SUCLG2: variants seen among roughly 807,000 people sequenced by gnomAD.
SUCLG2 encodes succinate-CoA ligase GDP-forming subunit beta, also known as succinate--CoA ligase [GDP-forming] subunit beta, mitochondrial.
In SUCLG2, 42 loss-of-function variants were observed where a neutral mutation model predicts 47.9. The ratio of observed to expected loss-of-function variants is 0.88; its 90% CI spans 0.69 to 1.14. The LOEUF (loss-of-function observed/expected upper bound fraction) is 1.14. Ranked by LOEUF, SUCLG2 falls within the 50% of genes most tolerant of loss-of-function variation. The pLI, the probability that SUCLG2 is intolerant of heterozygous loss-of-function variation, is 0.00. For missense variants in SUCLG2, 571 were observed against 525.9 expected, an observed-to-expected ratio of 1.09 and a Z score of -0.84; for synonymous variants, 195 against 197.3, an observed-to-expected ratio of 0.99 and a Z score of 0.10.
chr3:67,620,498 C>T (rs1349313524), intron 1 of SUCLG2, among the ~76,000 whole-genome samples: 2 of 137,290 alleles, frequency 1.5e-5, no homozygotes, highest in Non-Finnish European at 3.0e-5. Flanking sequence ...GACAGGAGAA[C>T]AGCTTGAACG....
intron 9 of SUCLG2, among the ~76,000 whole-genome samples, chr3:67,429,597 C>A (rs1703422128): frequency 6.6e-6 from 1 of 152,120 alleles, no homozygotes; most frequent in African/African-American, 2.4e-5. Flanking sequence ...TCACACATAA[C>A]AATATTAACC....
chr3:67,546,545 G>C (rs1301267475), intron 2 of SUCLG2, among the ~76,000 whole-genome samples: 1 of 152,178 alleles, frequency 6.6e-6, no homozygotes, highest in Non-Finnish European at 1.5e-5. Flanking sequence ...GACCAGCCTG[G>C]CCAACATGGT....
chr3:67,439,827 T>C lies in SUCLG2; in HGVS notation c.1063-38976A>G, dbSNP rs530234931. 1.8e-4 allele frequency among the ~76,000 whole-genome samples: 28 copies of C among 152,304 alleles called. No homozygotes were observed. The South Asian group carries it at 4.8e-3, about 26-fold the overall frequency. On this transcript the variant is annotated intron_variant, in intron 9 of 10. Transcript: ENST00000307227. ...TGCCAAAAGGAATTTACAGATTCAA[T>C]GCTATCCCCATCAAGCTACCACTGA... is the stretch of plus-strand genomic sequence containing the variant.
intron 8 of SUCLG2, among the ~76,000 whole-genome samples, chr3:67,496,710 G>C (rs1705351081): frequency 6.6e-6 from 1 of 151,902 alleles, no homozygotes. Flanking sequence ...AATATCAAAA[G>C]TCTTGTTTTC....
At chr3:67,608,800 C>G (rs1700472221) in intron 2 of SUCLG2, among the ~76,000 whole-genome samples, 1 of 151,934 alleles carries the variant, frequency 6.6e-6, no homozygotes, top group African/African-American at 2.4e-5. Flanking sequence ...GCCAAAGCCT[C>G]CAGAGTAGCT....
Position 67,446,757 on chromosome 3 carries a change from A to C in SUCLG2, c.1063-45906T>G, listed in dbSNP as rs144556352. 9.2e-5 allele frequency among the ~76,000 whole-genome samples: 14 copies of C among 152,154 alleles called. No homozygotes were observed. The East Asian group carries it at 2.3e-3, about 25-fold the overall frequency. On this transcript the variant is annotated intron_variant, in intron 9 of 10. Transcript: ENST00000307227. Reference sequence around the variant, plus strand: ...ATGTGCAGGTCTTTTTAGGCAAAACAATGCCAGGCACTCAAAGAATGTTGG... The same window carrying C: ...ATGTGCAGGTCTTTTTAGGCAAAACCATGCCAGGCACTCAAAGAATGTTGG...
At chr3:67,620,686 T>C (rs1363776506) in intron 1 of SUCLG2, among the ~76,000 whole-genome samples, 1 of 150,352 alleles carries the variant, frequency 6.7e-6, no homozygotes, top group Non-Finnish European at 1.5e-5. Context: ...TTTAAAGAAA[T>C]GACATCTGTG....
At chr3:67,466,295 G>A (rs189643478) in intron 9 of SUCLG2, among the ~76,000 whole-genome samples, 29 of 152,350 alleles carry the variant, frequency 1.9e-4, no homozygotes, top group African/African-American at 6.7e-4. Context: ...AGAGGTTGCA[G>A]TGAGCTGAGA....
At chr3:67,496,407 G>C (rs1178305699) in intron 8 of SUCLG2, among the ~76,000 whole-genome samples, 1 of 151,476 alleles carries the variant, frequency 6.6e-6, no homozygotes, top group East Asian at 1.9e-4. Flanking sequence ...TTTGTTTGCT[G>C]AGAATATGGT....
chr3:67,558,792 G>C (rs567523558), intron 2 of SUCLG2, among the ~76,000 whole-genome samples: 18 of 152,130 alleles, frequency 1.2e-4, no homozygotes, highest in Non-Finnish European at 2.2e-4. Flanking sequence ...GCTGGAGAAA[G>C]GGTCGCTCCC....
chr3:67,650,099 A>G (rs1559612907), intron 1 of SUCLG2, among the ~76,000 whole-genome samples: 1 of 152,262 alleles, frequency 6.6e-6, no homozygotes, highest in Non-Finnish European at 1.5e-5. Context: ...TTTGAGATGG[A>G]TTCCCTTTTC....
At chr3:67,471,642 A>AATG (rs1704607221) in intron 9 of SUCLG2, among the ~76,000 whole-genome samples, 1 of 152,064 alleles carries the variant, frequency 6.6e-6, no homozygotes, top group East Asian at 1.9e-4. Context: ...GTGGGAGAGA[A>AATG]ATGATGATGA....
intron 1 of SUCLG2, among the ~76,000 whole-genome samples, chr3:67,617,671 G>C (rs56317125): frequency 0.041 from 6,193 of 152,246 alleles, 144 homozygotes; most frequent in Middle Eastern, 0.068. Flanking sequence ...GGGGTACAGA[G>C]AGATCCTACC....
chr3:67,543,743 TACA>T (rs1415431105), intron 2 of SUCLG2, among the ~76,000 whole-genome samples: 6 of 152,334 alleles, frequency 3.9e-5, no homozygotes, highest in Non-Finnish European at 7.3e-5. Flanking sequence ...GTATTATGGG[TACA>T]ACATTATATC....
chr3:67,393,847 C>T (rs1702455610), intron 10 of SUCLG2, among the ~76,000 whole-genome samples: 1 of 152,144 alleles, frequency 6.6e-6, no homozygotes. Context: ...GATCAGACAG[C>T]AGCATTCGCG....
rs79777272 is a variant in SUCLG2, at chr3:67,584,639, G to A, written c.226+24816C>T. ...TAGTCCATATAATTGAATACTCTCT[G>A]GTAACTGCTGCTATAAAGAACTGCC... On this transcript the variant is annotated intron_variant, in intron 2 of 10. Coordinates refer to ENST00000307227, the MANE Select transcript of SUCLG2 (RefSeq NM_003848.4). Among the ~76,000 whole-genome samples the A allele has an allele frequency of 4.1e-3, 630 of 152,216 alleles. 5 individuals are homozygous for A. The highest frequency in any genetic ancestry group is 0.014 in the African/African-American group (593 of 41,524).
At chr3:67,398,613 C>T (rs556553714) in intron 10 of SUCLG2, among the ~76,000 whole-genome samples, 24 of 152,056 alleles carry the variant, frequency 1.6e-4, no homozygotes, top group African/African-American at 3.6e-4. Flanking sequence ...GTCAGTATGG[C>T]GATTCCTCAG....
intron 2 of SUCLG2, among the ~76,000 whole-genome samples, chr3:67,590,432 G>C (rs1429022266): frequency 1.3e-5 from 2 of 152,064 alleles, no homozygotes; most frequent in African/African-American, 2.4e-5. Flanking sequence ...GGAGCTGGTG[G>C]GAGGTGTTTG....
At chr3:67,516,201 TAAAAC>T (rs1705940818) in intron 6 of SUCLG2, among the ~76,000 whole-genome samples, 1 of 152,130 alleles carries the variant, frequency 6.6e-6, no homozygotes, top group African/African-American at 2.4e-5. Context: ...AAAAACAAAT[TAAAAC>T]ATTTTATTTC....
Sources: allele counts gnomAD v4.1 joint callset (sites outside exome capture counted in the v4.1 genomes callset), GRCh38; gene constraint gnomAD v4.1.1; transcripts MANE v1.5; gene names NCBI Gene and HGNC (gene_info 2026-07-23, HGNC 2026-07-21).